The following RBMS3 variants were observed in gnomAD, a reference collection of about 807,000 sequenced individuals.
RBMS3 encodes the protein RNA binding motif single stranded interacting protein 3.
RBMS3 carries 27 observed loss-of-function variants against 66.8 expected under a neutral mutation model. The observed-to-expected ratio is 0.40, with a 90% confidence interval of 0.30 to 0.56. The LOEUF is 0.56. RBMS3 is among the 20% of genes least tolerant of loss of function. The probability of loss-of-function intolerance (pLI) is 0.40; values close to 1 mark genes in which losing one functional copy is unlikely to be tolerated. For synonymous variants in RBMS3, 188 were observed against 183.0 expected, an observed-to-expected ratio of 1.03 and a Z score of -0.22; for missense variants, 513 against 549.5, an observed-to-expected ratio of 0.93 and a Z score of 0.66.
chr3:29,532,262 G>GTATATATATATA (rs869225843), intron 3 of RBMS3, among the ~76,000 whole-genome samples: 51 of 62,610 alleles, frequency 8.1e-4, no homozygotes, highest in East Asian at 4.5e-3. Flanking sequence ...ATATATATAT[G>GTATATATATATA]TATATATATA....
rs112088181 is a variant in RBMS3, at chr3:29,410,967, TA to T, written c.76-23761del. ...TTCATGATTCCTATCCCTTTCTTCT[TA>T]AAAAAAAAAAAAAAGCAACACAACT... On this transcript the variant is annotated intron_variant, in intron 1 of 14. Transcript: ENST00000383767. Among the ~76,000 whole-genome samples, 175 of 135,898 alleles carry T rather than the reference TA, an allele frequency of 1.3e-3. 1 individual carries two copies. Among genetic ancestry groups the T allele is most frequent in the Middle Eastern group, 3.9e-3 (1 of 258 alleles). 89.2% of individuals were successfully genotyped at this position (135,898 alleles called of 152,430 possible).
rs144357942 is a variant in RBMS3, at chr3:29,673,114, C to T, written c.400-66606C>T. On this transcript the variant is annotated intron_variant, in intron 4 of 14. Transcript: ENST00000383767. ...TAAGAAACTCAATACCGCACAACTC[C>T]ATGGAAACTGAACAACCTGTTCCTG... Among the ~76,000 whole-genome samples the T allele has an allele frequency of 4.6e-5, 7 of 152,342 alleles. No individual in the cohort carries two copies. In the East Asian group the frequency reaches 1.3e-3, roughly 29 times the overall value.
chr3:29,552,243 T>C (rs1295689669), intron 3 of RBMS3, among the ~76,000 whole-genome samples: 1 of 152,202 alleles, frequency 6.6e-6, no homozygotes, highest in Non-Finnish European at 1.5e-5. Context: ...CTCAGGACTA[T>C]GTTATCTTGA....
intron 10 of RBMS3, among the ~76,000 whole-genome samples, chr3:29,905,123 G>A (rs1293241250): frequency 6.6e-6 from 1 of 151,838 alleles, no homozygotes; most frequent in Non-Finnish European, 1.5e-5. Flanking sequence ...TATATGGTCT[G>A]TGTCACACCT....
At position 29,592,031 on chromosome 3, in the gene RBMS3, G is replaced by A. The variant is rs533190198; in HGVS notation, c.399+4826G>A. The stretch of plus-strand genomic sequence containing the variant: ...ATCTACCATGGCAGAAAACCAGATT[G>A]AGACCAGAGGAAAGGACTTCACTTA... On this transcript the variant is annotated intron_variant, in intron 4 of 14. Transcript: ENST00000383767. 5.9e-5 allele frequency among the ~76,000 whole-genome samples: 9 copies of A among 151,970 alleles called. No homozygotes were observed. The South Asian group carries it at 1.9e-3, about 32-fold the overall frequency.
At chr3:29,511,538 A>C (rs2044411109) in intron 3 of RBMS3, among the ~76,000 whole-genome samples, 1 of 152,090 alleles carries the variant, frequency 6.6e-6, no homozygotes, top group African/African-American at 2.4e-5. Context: ...TACTGATTCT[A>C]ACTCATGTCA....
intron 5 of RBMS3, among the ~76,000 whole-genome samples, chr3:29,754,137 A>G (rs1006974095): frequency 6.6e-6 from 1 of 151,764 alleles, no homozygotes; most frequent in African/African-American, 2.4e-5. Context: ...TATTTTAAAT[A>G]GAGGCAGGGT....
intron 6 of RBMS3, among the ~76,000 whole-genome samples, chr3:29,867,383 A>G (rs368094787): frequency 1.3e-5 from 2 of 150,560 alleles, no homozygotes; most frequent in East Asian, 2.0e-4. Flanking sequence ...TGGTGGGCTC[A>G]GTTTATATCA....
At chr3:29,523,257 G>T (rs183462014) in intron 3 of RBMS3, among the ~76,000 whole-genome samples, 1 of 152,268 alleles carries the variant, frequency 6.6e-6, no homozygotes, top group Non-Finnish European at 1.5e-5. Flanking sequence ...ACCCAGTAGT[G>T]GGCACGACGT....
intron 1 of RBMS3, among the ~76,000 whole-genome samples, chr3:29,298,161 G>T (rs1178412193): frequency 6.6e-6 from 1 of 151,866 alleles, no homozygotes; most frequent in African/African-American, 2.4e-5. Flanking sequence ...TGTGGTAGGT[G>T]TTTAATAAGT....
intron 2 of RBMS3, 127 bp downstream of exon 2, chr3:29,435,042 A>G: frequency 9.9e-7 from 1 of 1,012,810 alleles, no homozygotes; most frequent in Non-Finnish European, 1.4e-6. Flanking sequence ...CTTTACAAAC[A>G]GGACTTAAAT....
rs2043313199 is a variant in RBMS3 at position 29,486,265 on chromosome 3, C to T, written c.249-2176C>T. Among the ~76,000 whole-genome samples the T allele has an allele frequency of 2.6e-5, 4 of 152,064 alleles. No homozygotes were observed. In the South Asian group the frequency reaches 8.3e-4, roughly 32 times the overall value. The stretch of plus-strand genomic sequence containing the variant: ...ACTGTAACCAGTGGCCCATTAAGTA[C>T]CTTCTCTTGTTGTTTAAAGCATATC... On this transcript the variant is annotated intron_variant, in intron 2 of 14. Coordinates refer to ENST00000383767, the MANE Select transcript of RBMS3 (RefSeq NM_001003793.3).
Position 29,829,590 on chromosome 3 carries a change from G to T in RBMS3, c.638-39268G>T, listed in dbSNP as rs543411223. Reference sequence around the variant, plus strand: ...TGTGAAATAGCTGAAGCAGAATGGGGGAGGAGACAGTGGGGAATTTTTTAA... The same window carrying T: ...TGTGAAATAGCTGAAGCAGAATGGGTGAGGAGACAGTGGGGAATTTTTTAA... On this transcript the variant is annotated intron_variant, in intron 6 of 14. Coordinates refer to ENST00000383767, the MANE Select transcript of RBMS3 (RefSeq NM_001003793.3). Among the ~76,000 whole-genome samples, 50 of 152,200 alleles carry T rather than the reference G, an allele frequency of 3.3e-4. 1 individual carries two copies. The South Asian group carries it at 9.3e-3, about 28-fold the overall frequency.
intron 10 of RBMS3, among the ~76,000 whole-genome samples, chr3:29,915,748 T>C (rs2060623924): frequency 1.3e-5 from 2 of 152,006 alleles, no homozygotes; most frequent in Non-Finnish European, 2.9e-5. Flanking sequence ...TATAAACCTT[T>C]AATCTGTGCT....
At chr3:29,580,871 G>A (rs1177503312) in intron 3 of RBMS3, among the ~76,000 whole-genome samples, 2 of 152,124 alleles carry the variant, frequency 1.3e-5, no homozygotes, top group Non-Finnish European at 2.9e-5. Context: ...CCTGTTTTCT[G>A]TATAGTGGAT....
chr3:29,827,418 T>A (rs1290916076), intron 6 of RBMS3, among the ~76,000 whole-genome samples: 2 of 152,218 alleles, frequency 1.3e-5, no homozygotes, highest in South Asian at 4.1e-4. Context: ...AATTATCGCC[T>A]TGTTTTCCCT....
At chr3:29,788,048 T>G (rs948362183) in intron 6 of RBMS3, among the ~76,000 whole-genome samples, 1 of 152,072 alleles carries the variant, frequency 6.6e-6, no homozygotes, top group Non-Finnish European at 1.5e-5. Flanking sequence ...CACCCAAGTT[T>G]CTCCCTAGAA....
intron 3 of RBMS3, among the ~76,000 whole-genome samples, chr3:29,506,644 T>C (rs2044191117): frequency 6.6e-6 from 1 of 151,996 alleles, no homozygotes; most frequent in South Asian, 2.1e-4. Flanking sequence ...AAGTCTTGTT[T>C]GAAAAGTATT....
intron 1 of RBMS3, among the ~76,000 whole-genome samples, chr3:29,284,199 G>A (rs1481606698): frequency 6.6e-6 from 1 of 152,094 alleles, no homozygotes; most frequent in Non-Finnish European, 1.5e-5. Context: ...GAAATTCATA[G>A]CTATTTAAAA....
Sources: allele counts gnomAD v4.1 joint callset (sites outside exome capture counted in the v4.1 genomes callset), GRCh38; gene constraint gnomAD v4.1.1; transcripts MANE v1.5; gene names NCBI Gene and HGNC (gene_info 2026-07-23, HGNC 2026-07-21).